Variants in PDE11A observed in about 807,000 individuals in gnomAD.
PDE11A encodes phosphodiesterase 11A.
PDE11A carries 100 observed loss-of-function variants against 100.5 expected under a neutral mutation model. That is an observed-to-expected ratio of 1.00 (90% confidence interval 0.85 to 1.18). The LOEUF (loss-of-function observed/expected upper bound fraction) is 1.18, where lower values mean the gene tolerates loss of function less well. Ranked by LOEUF, PDE11A falls within the 50% of genes most tolerant of loss-of-function variation. PDE11A has a pLI of 0.00. For synonymous variants in PDE11A, 381 were observed against 420.8 expected (o/e 0.91, Z 1.16); for missense variants, 1,141 against 1,152.6 (o/e 0.99, Z 0.15).
chr2:178,099,110 T>C (rs1357563624), intron 2 of PDE11A, among the ~76,000 whole-genome samples: 2 of 152,218 alleles, frequency 1.3e-5, no homozygotes, highest in African/African-American at 2.4e-5. Flanking sequence ...AGAAAAATTT[T>C]ATCCATTTAC....
At chr2:177,877,396 C>G (rs556521219) in intron 4 of PDE11A, among the ~76,000 whole-genome samples, 1 of 151,944 alleles carries the variant, frequency 6.6e-6, no homozygotes, top group Admixed American at 6.6e-5. Flanking sequence ...AATTCCTCAC[C>G]CCAGATGAGG....
At chr2:178,013,443 C>T (rs2086295980) in intron 2 of PDE11A, among the ~76,000 whole-genome samples, 1 of 152,174 alleles carries the variant, frequency 6.6e-6, no homozygotes, top group African/African-American at 2.4e-5. Flanking sequence ...TGTTTCCTTA[C>T]AATCATATTT....
chr2:177,805,568 A>G (rs1214171853), intron 9 of PDE11A, among the ~76,000 whole-genome samples: 2 of 152,164 alleles, frequency 1.3e-5, no homozygotes, highest in African/African-American at 4.8e-5. Flanking sequence ...TAAATCTATA[A>G]AAGAAACACC....
intron 17 of PDE11A, among the ~76,000 whole-genome samples, chr2:177,675,114 G>T (rs2105496226): frequency 6.6e-6 from 1 of 151,430 alleles, no homozygotes; most frequent in Non-Finnish European, 1.5e-5. Context: ...TAAAAAAAAA[G>T]AAAACAAGAC....
intron 6 of PDE11A, among the ~76,000 whole-genome samples, chr2:177,832,940 A>C (rs1288029081): frequency 6.6e-6 from 1 of 152,176 alleles, no homozygotes; most frequent in East Asian, 1.9e-4. Context: ...CAAACAGCGC[A>C]CTTGATTTCT....
intron 19 of PDE11A, among the ~76,000 whole-genome samples, chr2:177,663,170 G>A (rs192056454): frequency 1.3e-5 from 2 of 151,170 alleles, no homozygotes; most frequent in African/African-American, 4.9e-5. Context: ...GCCCTGATCC[G>A]CACTCAAAAA....
intron 2 of PDE11A, chr2:177,997,778 C>A: frequency 7.5e-7 from 1 of 1,334,266 alleles, no homozygotes; most frequent in Admixed American, 1.7e-5. Flanking sequence ...TCTTCATCAC[C>A]AGCATTCCCT....
intron 2 of PDE11A, among the ~76,000 whole-genome samples, chr2:178,098,640 G>A (rs1279468565): frequency 2.0e-5 from 3 of 151,976 alleles, no homozygotes; most frequent in South Asian, 2.1e-4. Context: ...GAATAATATT[G>A]CCAAATAAAT....
At chr2:177,703,720 AAG>A (rs2081235820) in intron 13 of PDE11A, among the ~76,000 whole-genome samples, 1 of 152,208 alleles carries the variant, frequency 6.6e-6, no homozygotes, top group Non-Finnish European at 1.5e-5. Context: ...AGATGATCAG[AAG>A]TCACTCTGTA....
Position 177,884,209 on chromosome 2 carries a change from A to T in PDE11A, c.1303-8286T>A, listed in dbSNP as rs79239033. ...CCCCCAAAATAGTAATGATAAAGAA[A>T]TCTCCCTATCACTGTTCCAGAATTG... On this transcript the variant is annotated intron_variant, in intron 4 of 19. Transcript: ENST00000286063. Among the ~76,000 whole-genome samples the T allele has an allele frequency of 8.1e-3, 1,235 of 152,224 alleles. 19 individuals carry two copies. The highest frequency in any genetic ancestry group is 0.028 in the African/African-American group (1,155 of 41,528).
chr2:178,100,384 G>A (rs527248511), intron 2 of PDE11A, among the ~76,000 whole-genome samples: 31 of 152,188 alleles, frequency 2.0e-4, no homozygotes, highest in Non-Finnish European at 3.7e-4. Context: ...TAAAAATAGT[G>A]TAATTATTTG....
intron 9 of PDE11A, among the ~76,000 whole-genome samples, chr2:177,785,044 C>A (rs2082512175): frequency 6.6e-6 from 1 of 152,140 alleles, no homozygotes; most frequent in South Asian, 2.1e-4. Flanking sequence ...AGTGTGCCAA[C>A]AATGGGGGGC....
At chr2:177,868,720 A>G (rs955622981) in intron 5 of PDE11A, among the ~76,000 whole-genome samples, 5 of 152,164 alleles carry the variant, frequency 3.3e-5, no homozygotes, top group African/African-American at 4.8e-5. Context: ...ATCTCCAGAA[A>G]TTTCTTCCAA....
intron 2 of PDE11A, among the ~76,000 whole-genome samples, chr2:178,099,446 G>GAAAAAAAAAAAAAAAAAAAAAAAAAAA (rs201692711): frequency 1.2e-5 from 1 of 84,558 alleles, no homozygotes. Context: ...CATCTCAAGA[G>GAAAAAAAAAAAAAAAAAAAAAAAAAAA]AAAAAAAAAA....
intron 5 of PDE11A, among the ~76,000 whole-genome samples, chr2:177,851,436 A>G (rs1385171115): frequency 6.6e-6 from 1 of 152,064 alleles, no homozygotes; most frequent in Admixed American, 6.5e-5. Flanking sequence ...CCTAATGCTA[A>G]ATTACGAGTT....
intron 19 of PDE11A, among the ~76,000 whole-genome samples, chr2:177,630,381 A>G (rs535601288): frequency 6.6e-6 from 1 of 152,302 alleles, no homozygotes; most frequent in East Asian, 1.9e-4. Flanking sequence ...TGCCCCTGGT[A>G]GTGGAATGAG....
intron 2 of PDE11A, among the ~76,000 whole-genome samples, chr2:178,096,186 T>G (rs1464284889): frequency 6.7e-6 from 1 of 149,236 alleles, no homozygotes; most frequent in Non-Finnish European, 1.5e-5. Flanking sequence ...TTTTTTGAGA[T>G]GGAGTCTCGC....
chr2:177,724,355 G>A (rs886826645), intron 12 of PDE11A, among the ~76,000 whole-genome samples: 1 of 151,302 alleles, frequency 6.6e-6, no homozygotes, highest in Non-Finnish European at 1.5e-5. Flanking sequence ...GAACAAAACC[G>A]CTTTGTTACC....
chr2:177,677,901 T>A (rs2080803484), intron 16 of PDE11A: 1 of 152,200 alleles, frequency 6.6e-6, no homozygotes, highest in African/African-American at 2.4e-5. Flanking sequence ...TATGCCAAAA[T>A]TATTTCAATA....
Sources: allele counts gnomAD v4.1 joint callset (sites outside exome capture counted in the v4.1 genomes callset), GRCh38; gene constraint gnomAD v4.1.1; transcripts MANE v1.5; gene names NCBI Gene and HGNC (gene_info 2026-07-23, HGNC 2026-07-21).